The following ABCC2 variants were observed in gnomAD, a reference collection of about 807,000 sequenced individuals.
ABCC2 encodes the protein ATP-binding cassette sub-family C member 2.
In ABCC2, 157 loss-of-function variants were observed where a neutral mutation model predicts 173.4. That is an observed-to-expected ratio of 0.91 (90% CI 0.80 to 1.03). The LOEUF (loss-of-function observed/expected upper bound fraction) is 1.03. Ranked by LOEUF, ABCC2 falls within the 50% of genes least tolerant of loss-of-function variation. The pLI, the probability that ABCC2 is intolerant of heterozygous loss-of-function variation, is 0.00. For missense variants in ABCC2, 1,822 were observed against 1,852.3 expected, an observed-to-expected ratio of 0.98 and a Z score of 0.30; for synonymous variants, 657 against 693.5, an observed-to-expected ratio of 0.95 and a Z score of 0.83.
rs572224582 is a variant in ABCC2, at chr10:99,831,724, G to C, written c.2997G>C (p.Trp999Cys). Residue 999 changes from tryptophan (W) to cysteine (C), a missense_variant, in exon 22 of 32, where the codon TGG (tryptophan) becomes TGC (cysteine). Physicochemically the swap from Trp to Cys is radical, Grantham distance 215. Transcript: ENST00000647814. Reference protein sequence around the residue: ...NSVAFIGSNLWLSAWTSDSKI... With the variant: ...NSVAFIGSNLCLSAWTSDSKI... ...TGGCTTTTATTGGATCCAACCTCTG[G>C]CTCAGTGCTTGGACCAGTGACTCTA... The C allele has an allele frequency of 1.9e-6, 3 of 1,613,994 alleles. No individual in the cohort carries two copies. The highest frequency in any genetic ancestry group is 1.1e-5 in the South Asian group (1 of 91,084).
chr10:99,783,134 T>C (rs1442366193), intron 1 of ABCC2, among the ~76,000 whole-genome samples: 1 of 152,232 alleles, frequency 6.6e-6, no homozygotes, highest in Non-Finnish European at 1.5e-5. Flanking sequence ...TTGCCTTCTC[T>C]AAAGAGAAAC....
At chr10:99,789,986 T>G (rs2037786220) in intron 2 of ABCC2, among the ~76,000 whole-genome samples, 1 of 152,250 alleles carries the variant, frequency 6.6e-6, no homozygotes, top group South Asian at 2.1e-4. Context: ...GTTATTTGAA[T>G]GTACCATAAT....
rs182995306 is a variant in ABCC2, at chr10:99,793,414, C to T, written c.334-137C>T. ...ACATGTTCAACCTGGCATCTGTGTGCTCTCTACCTGGCCAGATTAGTCACG... is the reference window on the plus strand; with the variant it reads ...ACATGTTCAACCTGGCATCTGTGTGTTCTCTACCTGGCCAGATTAGTCACG... On this transcript the variant is annotated intron_variant, in intron 3 of 31. Transcript: ENST00000647814. 135 of 1,281,880 alleles carry T rather than the reference C, an allele frequency of 1.1e-4. No homozygotes were observed. The African/African-American group carries it at 1.9e-3, about 18-fold the overall frequency. The allele number at this position is 1,281,880 out of a possible 1,614,324, so 79.4% of individuals were successfully genotyped here.
chr10:99,844,657 T>C (rs545695241), intron 28 of ABCC2, among the ~76,000 whole-genome samples, 192 bp downstream of exon 28: 1 of 152,292 alleles, frequency 6.6e-6, no homozygotes, highest in East Asian at 1.9e-4. Context: ...TCACACAGAC[T>C]TACCGCAGCT....
intron 11 of ABCC2, among the ~76,000 whole-genome samples, chr10:99,806,077 C>CTCTCTCTCTGTGTGTGTGTG (rs10644836): frequency 2.0e-5 from 3 of 148,044 alleles, no homozygotes; most frequent in African/African-American, 5.0e-5. Context: ...CTCTCTCTGT[C>CTCTCTCTCTGTGTGTGTGTG]TGTGTGTGTG....
rs140088784 is a variant in ABCC2 at position 99,819,288 on chromosome 10, G to A, written c.2620+19G>A. 2.3e-5 allele frequency: 37 copies of A among 1,609,236 alleles called. No homozygotes were observed. The African/African-American group carries it at 3.9e-4, about 17-fold the overall frequency. ...GCCACAGGTATGTAAGAAGGATTGG[G>A]ACAAGATAGAACTTGGGCCATGGGT... On this transcript the variant is annotated intron_variant, in intron 19 of 31. Coordinates refer to ENST00000647814, the MANE Select transcript of ABCC2 (RefSeq NM_000392.5).
chr10:99,832,132 G>C lies in ABCC2; in HGVS notation c.3258+1G>C. 2 of 1,614,156 alleles carry C rather than the reference G, an allele frequency of 1.2e-6. No homozygotes were observed. The highest frequency in any genetic ancestry group is 1.7e-6 in the Non-Finnish European group (2 of 1,180,010). On this transcript the variant is annotated splice_donor_variant, in intron 23 of 31. Transcript: ENST00000647814. LOFTEE classifies it high-confidence loss of function. ...CCGGATTGTGAACAGGTTTGCCGGCGTAAGTATCTCAAGAACTGTCAGGTG... is the reference window on the plus strand; with the variant it reads ...CCGGATTGTGAACAGGTTTGCCGGCCTAAGTATCTCAAGAACTGTCAGGTG...
intron 11 of ABCC2, among the ~76,000 whole-genome samples, chr10:99,806,077 C>CTCTCTGTCTCTCTGTGTG (rs10644836): frequency 7.4e-5 from 11 of 148,148 alleles, no homozygotes; most frequent in African/African-American, 2.5e-4. Flanking sequence ...CTCTCTCTGT[C>CTCTCTGTCTCTCTGTGTG]TGTGTGTGTG....
In ABCC2 at chr10:99,804,043, A is replaced by G. The variant is rs765027508; in HGVS notation, c.1234A>G (p.Arg412Gly). 1 of 1,614,096 alleles carries G rather than the reference A, an allele frequency of 6.2e-7. No individual in the cohort carries two copies. Among genetic ancestry groups the G allele is most frequent in the African/African-American group, 1.3e-5 (1 of 74,942 alleles). ...KKALTLSNLA[R>G]KEYTVGETVN... ...GGCATTGACCCTATCCAACTTGGCC[A>G]GGAAGGAGTACACCGTTGGAGAAAC... Residue 412 changes from arginine to glycine, a missense_variant, in exon 10 of 32, where the codon AGG (arginine) becomes GGG (glycine). Arg to Gly is a moderately radical substitution (Grantham distance 125, BLOSUM62 -2). Coordinates refer to ENST00000647814, the MANE Select transcript of ABCC2 (RefSeq NM_000392.5).
intron 9 of ABCC2, 128 bp downstream of exon 9, chr10:99,800,691 A>G (rs998356014): frequency 2.2e-5 from 23 of 1,048,294 alleles, no homozygotes; most frequent in Admixed American, 7.5e-5. Context: ...CTGGCCATAC[A>G]GCCTCCTTTA....
At chr10:99,798,525 C>T (rs1338817601) in intron 7 of ABCC2, among the ~76,000 whole-genome samples, 2 of 152,188 alleles carry the variant, frequency 1.3e-5, no homozygotes, top group Admixed American at 6.5e-5. Flanking sequence ...ATATCAGACT[C>T]GCTCCCGCTG....
At chr10:99,821,769 C>T (rs1159263004) in intron 19 of ABCC2, among the ~76,000 whole-genome samples, 1 of 151,960 alleles carries the variant, frequency 6.6e-6, no homozygotes, top group African/African-American at 2.4e-5. Context: ...GACACAGTGA[C>T]AATCTGATCT....
At chr10:99,811,451 G>A (rs1387011160) in intron 14 of ABCC2, 85 bp from the exon 15 acceptor site, 56 of 1,350,056 alleles carry the variant, frequency 4.1e-5, no homozygotes, top group Non-Finnish European at 5.8e-5. Flanking sequence ...CCTAGGAGCT[G>A]ATGGAGAAAG....
chr10:99,839,183 G>C (rs1436191768), intron 25 of ABCC2, among the ~76,000 whole-genome samples: 2 of 122,664 alleles, frequency 1.6e-5, no homozygotes, highest in African/African-American at 3.0e-5. Context: ...TGGCCGGGCG[G>C]GGGGCCAACC....
chr10:99,800,285 A>G (rs2079045253), intron 8 of ABCC2, 101 bp from the exon 9 acceptor site: 1 of 1,247,350 alleles, frequency 8.0e-7, no homozygotes, highest in African/African-American at 1.5e-5. Flanking sequence ...CACTTTTGTT[A>G]CCTACAGTGT....
rs764659536 is a variant in ABCC2 at position 99,805,388 on chromosome 10, A to C, written c.1471A>C (p.Asn491His). The C allele has an allele frequency of 3.1e-6, 5 of 1,613,916 alleles. No individual in the cohort carries two copies. The highest frequency in any genetic ancestry group is 4.2e-6 in the Non-Finnish European group (5 of 1,179,862). ...STKSKTIQVKNMKNKDKRLKI... is the reference protein window; with the variant it reads ...STKSKTIQVKHMKNKDKRLKI... Reference sequence around the variant, plus strand: ...TTTGCTTTTTTCCTGGCAGGTCAAAAATATGAAGAATAAAGACAAACGTTT... The same window carrying C: ...TTTGCTTTTTTCCTGGCAGGTCAAACATATGAAGAATAAAGACAAACGTTT... Residue 491 changes from asparagine (N) to histidine (H), a missense_variant, in exon 11 of 32, where the codon AAT becomes CAT. By Grantham distance (68) the Asn-to-His change is moderately conservative (BLOSUM62 1). Coordinates refer to ENST00000647814, the MANE Select transcript of ABCC2 (RefSeq NM_000392.5).
At position 99,831,746 on chromosome 10, in the gene ABCC2, TC is replaced by T; in HGVS notation, c.3020del (p.Ser1007LeufsTer16). ...NLWLSAWTSDSKIFNSTDYPA... is the reference protein window; with the variant it reads ...NLWLSAWTSDXKIFNSTDYPA... ...CTGGCTCAGTGCTTGGACCAGTGACTCTAAAATCTTCAATAGCACCGACTAT... is the reference window on the plus strand; with the variant it reads ...CTGGCTCAGTGCTTGGACCAGTGACTTAAAATCTTCAATAGCACCGACTAT... On this transcript the variant is annotated frameshift_variant, in exon 22 of 32. Transcript: ENST00000647814. LOFTEE classifies it high-confidence loss of function. The T allele has an allele frequency of 6.2e-7, 1 of 1,614,208 alleles. No individual in the cohort carries two copies.
rs1316845594 is a variant in ABCC2, at chr10:99,808,170, T to C, written c.1756T>C (p.Phe586Leu). 1 of 1,614,144 alleles carries C rather than the reference T, an allele frequency of 6.2e-7. No individual in the cohort carries two copies. The highest frequency in any genetic ancestry group is 2.2e-5 in the East Asian group (1 of 44,870). ...AQKAFTSITL[F>L]NILRFPLSML... ...AAAGGCCTTCACCTCCATTACCCTC[T>C]TCAATATCCTGCGCTTTCCCCTGAG... Residue 586 changes from phenylalanine to leucine, a missense_variant, in exon 13 of 32, where the codon TTC (phenylalanine) becomes CTC (leucine). Physicochemically the swap from Phe to Leu is conservative, Grantham distance 22. Coordinates refer to ENST00000647814, the MANE Select transcript of ABCC2 (RefSeq NM_000392.5).
Position 99,792,329 on chromosome 10 carries a change from T to C in ABCC2, c.303T>C (p.Tyr101=). The C allele has an allele frequency of 6.2e-7, 1 of 1,614,128 alleles. No homozygotes were observed. The highest frequency in any genetic ancestry group is 1.7e-5 in the Admixed American group (1 of 60,018). The stretch of plus-strand genomic sequence containing the variant: ...AAGCCACAGTCCCTGCTGTTCGATA[T>C]ACCAATCCAAGCCTCTACCTAGGCA... ...SGQATVPAVR[Y]TNPSLYLGTW... is the part of the protein sequence containing the mutation. The change falls in exon 3 of 32, where the codon TAT becomes TAC. Residue 101 remains tyrosine, a synonymous_variant. Coordinates refer to ENST00000647814, the MANE Select transcript of ABCC2 (RefSeq NM_000392.5).
Sources: allele counts gnomAD v4.1 joint callset (sites outside exome capture counted in the v4.1 genomes callset), GRCh38; gene constraint gnomAD v4.1.1; transcripts MANE v1.5; gene names NCBI Gene and HGNC (gene_info 2026-07-23, HGNC 2026-07-21).